The following GRID2 variants were observed in gnomAD, a reference collection of about 807,000 sequenced individuals.
GRID2 encodes glutamate ionotropic receptor delta type subunit 2, also known as glutamate receptor ionotropic, delta-2.
In GRID2, 33 loss-of-function variants were observed where a neutral mutation model predicts 114.8. The ratio of observed to expected loss-of-function variants is 0.29; its 90% CI spans 0.22 to 0.38. The LOEUF (loss-of-function observed/expected upper bound fraction) is 0.38, where lower values mean the gene tolerates loss of function less well. GRID2 is among the 10% of genes least tolerant of loss of function. The pLI is 1.00. For synonymous variants in GRID2, 505 were observed against 449.9 expected, an observed-to-expected ratio of 1.12 and a Z score of -1.55; for missense variants, 1,184 against 1,257.7, an observed-to-expected ratio of 0.94 and a Z score of 0.89.
intron 8 of GRID2, among the ~76,000 whole-genome samples, chr4:93,260,122 T>G (rs1401660030): frequency 6.6e-6 from 1 of 151,746 alleles, no homozygotes; most frequent in South Asian, 2.1e-4. Flanking sequence ...ATTTTGGAAG[T>G]GTGTTATAAA....
chr4:93,566,000 G>T (rs1456015339), intron 13 of GRID2, among the ~76,000 whole-genome samples: 1 of 152,174 alleles, frequency 6.6e-6, no homozygotes, highest in Non-Finnish European at 1.5e-5. Flanking sequence ...TCAATGCAGT[G>T]GTGGGGGATT....
At chr4:93,621,737 C>G (rs1742232526) in intron 13 of GRID2, among the ~76,000 whole-genome samples, 1 of 152,072 alleles carries the variant, frequency 6.6e-6, no homozygotes, top group Admixed American at 6.6e-5. Flanking sequence ...ATGAAAAAGG[C>G]CAGGGCCATT....
chr4:93,125,573 T>C lies in GRID2; in HGVS notation c.735+14620T>C, dbSNP rs147249422. 8.0e-3 allele frequency among the ~76,000 whole-genome samples: 1,224 copies of C among 152,256 alleles called. 16 individuals are homozygous for C. The highest frequency in any genetic ancestry group is 0.028 in the African/African-American group (1,147 of 41,572). On this transcript the variant is annotated intron_variant, in intron 4 of 15. Transcript: ENST00000282020. ...GCCAAAAACTTCACTTTGAAAGATA[T>C]CATGAGAAACTTGCAAAAGTAAATT...
At chr4:93,589,442 T>C (rs940574614) in intron 13 of GRID2, among the ~76,000 whole-genome samples, 20 of 151,832 alleles carry the variant, frequency 1.3e-4, no homozygotes, top group African/African-American at 2.7e-4. Context: ...TTTCTTAATC[T>C]AGTCTATCAT....
At chr4:92,484,324 G>A (rs1048528185) in intron 1 of GRID2, among the ~76,000 whole-genome samples, 1 of 152,162 alleles carries the variant, frequency 6.6e-6, no homozygotes, top group East Asian at 1.9e-4. Context: ...TTCCCTTGAA[G>A]AAAGTTAGTA....
intron 10 of GRID2, among the ~76,000 whole-genome samples, chr4:93,446,377 A>T (rs541331087): frequency 1.3e-5 from 2 of 152,156 alleles, no homozygotes; most frequent in Non-Finnish European, 1.5e-5. Flanking sequence ...TTGTTGGAAG[A>T]GCTGAACAGT....
intron 2 of GRID2, among the ~76,000 whole-genome samples, chr4:93,077,658 A>C (rs1274916279): frequency 6.6e-6 from 1 of 152,132 alleles, no homozygotes; most frequent in African/African-American, 2.4e-5. Context: ...GTGAAGATTA[A>C]ATTTTACCTA....
intron 8 of GRID2, among the ~76,000 whole-genome samples, chr4:93,246,662 C>T (rs529959811): frequency 6.6e-6 from 1 of 151,546 alleles, no homozygotes; most frequent in East Asian, 1.9e-4. Flanking sequence ...GCTTTTATTT[C>T]TTTATCCCAT....
intron 2 of GRID2, among the ~76,000 whole-genome samples, chr4:92,932,467 T>C (rs1443684676): frequency 6.6e-6 from 1 of 151,186 alleles, no homozygotes; most frequent in Non-Finnish European, 1.5e-5. Context: ...CCACGTTTTG[T>C]GGTAGGAAAA....
chr4:93,422,647 C>T, intron 9 of GRID2, 124 bp from the exon 10 acceptor site: 1 of 629,846 alleles, frequency 1.6e-6, no homozygotes, highest in Non-Finnish European at 2.8e-6. Context: ...AGTTATATTC[C>T]TGAGTTGATT....
chr4:92,803,953 G>A (rs1344919067), intron 2 of GRID2, among the ~76,000 whole-genome samples: 1 of 151,894 alleles, frequency 6.6e-6, no homozygotes, highest in Non-Finnish European at 1.5e-5. Flanking sequence ...CTACCTTCTG[G>A]TAGCCCCTAG....
intron 2 of GRID2, among the ~76,000 whole-genome samples, chr4:92,615,804 A>G (rs982708691): frequency 1.3e-5 from 2 of 151,604 alleles, no homozygotes; most frequent in African/African-American, 4.8e-5. Context: ...TGTGCTAGGT[A>G]TACAATATGT....
chr4:93,528,964 AG>A (rs1426892037), intron 13 of GRID2, among the ~76,000 whole-genome samples: 1 of 152,180 alleles, frequency 6.6e-6, no homozygotes, highest in East Asian at 1.9e-4. Context: ...ATACCTAAAA[AG>A]GTTAAGTGAT....
rs1468357362 is a variant in GRID2 at position 93,772,654 on chromosome 4, C to T, written c.*156C>T. The T allele has an allele frequency of 3.5e-6, 2 of 573,652 alleles. No homozygotes were observed. The highest frequency in any genetic ancestry group is 6.0e-6 in the Non-Finnish European group (2 of 330,658). 35.5% of individuals were successfully genotyped at this position (573,652 alleles called of 1,614,324 possible). A position where few individuals can be genotyped will look rare whatever the true frequency, so the allele number is the denominator to read the frequency against. On this transcript the variant is annotated 3_prime_UTR_variant, in exon 16 of 16. Transcript: ENST00000282020. Reference sequence around the variant, plus strand: ...TTTCCTCCCACCTTCTCCCTCTCCTCTCTCCTCTATGATTTTCTCTCTTTC... The same window carrying T: ...TTTCCTCCCACCTTCTCCCTCTCCTTTCTCCTCTATGATTTTCTCTCTTTC...
At chr4:93,720,551 C>G (rs889734992) in intron 14 of GRID2, among the ~76,000 whole-genome samples, 3 of 152,156 alleles carry the variant, frequency 2.0e-5, no homozygotes, top group African/African-American at 7.2e-5. Context: ...ACACCAGGTA[C>G]TGTACTGAGA....
intron 2 of GRID2, among the ~76,000 whole-genome samples, chr4:92,922,883 T>C (rs1246612019): frequency 2.0e-5 from 3 of 152,184 alleles, no homozygotes; most frequent in African/African-American, 7.2e-5. Flanking sequence ...TAGGGCTTAC[T>C]TGGGGGAAGA....
intron 13 of GRID2, among the ~76,000 whole-genome samples, chr4:93,548,767 T>G (rs2149538956): frequency 6.6e-6 from 1 of 152,282 alleles, no homozygotes; most frequent in African/African-American, 2.4e-5. Flanking sequence ...GTATGCCCAT[T>G]TTGTGGCATA....
chr4:92,675,006 T>C lies in GRID2; in HGVS notation c.244+84720T>C, dbSNP rs527255105. ...TGTCTAGTATATTTTCTTTATAATTTATATCACACATTGTTGGGGCCATGT... is the reference window on the plus strand; with the variant it reads ...TGTCTAGTATATTTTCTTTATAATTCATATCACACATTGTTGGGGCCATGT... On this transcript the variant is annotated intron_variant, in intron 2 of 15. Transcript: ENST00000282020. Among the ~76,000 whole-genome samples the C allele has an allele frequency of 3.3e-4, 50 of 152,306 alleles. No homozygotes were observed. The South Asian group carries it at 0.01, about 31-fold the overall frequency.
chr4:93,085,675 A>G (rs1730273376), intron 3 of GRID2, among the ~76,000 whole-genome samples: 1 of 152,112 alleles, frequency 6.6e-6, no homozygotes, highest in Admixed American at 6.5e-5. Context: ...AACACTGAAA[A>G]TTTACCTCTT....
Sources: gnomAD v4.1 joint callset for allele counts (sites outside exome capture counted in the v4.1 genomes callset) on GRCh38, gnomAD v4.1.1 for gene constraint, MANE v1.5 for transcripts, NCBI Gene and HGNC (gene_info 2026-07-23, HGNC 2026-07-21) for gene names.